The following TRMT44 variants were observed in gnomAD, a reference collection of about 807,000 sequenced individuals.
The protein encoded by TRMT44 is probable tRNA (uracil-O(2)-)-methyltransferase.
Under a neutral mutation model 77.3 loss-of-function variants are expected in TRMT44, and 78 were observed. That is an observed-to-expected ratio of 1.01 (90% confidence interval 0.84 to 1.22). The LOEUF is 1.22. Among genes scored for constraint, TRMT44 ranks in the 50% most tolerant of loss-of-function variants. The pLI is 0.00. For synonymous variants in TRMT44, 391 were observed against 383.3 expected, an observed-to-expected ratio of 1.02 and a Z score of -0.23; for missense variants, 1,090 against 964.4, an observed-to-expected ratio of 1.13 and a Z score of -1.73.
chr4:8,497,888 A>C (rs994435484), downstream of TRMT44, among the ~76,000 whole-genome samples: 1 of 152,118 alleles, frequency 6.6e-6, no homozygotes, highest in South Asian at 2.1e-4. Context: ...CCTGCACAGC[A>C]TGGTGTATGG....
Position 8,476,315 on chromosome 4 carries a change from GC to G in TRMT44, c.*316del. The G allele has an allele frequency of 2.6e-6, 1 of 391,436 alleles. No individual in the cohort carries two copies. Among genetic ancestry groups the G allele is most frequent in the Admixed American group, 4.4e-5 (1 of 22,792 alleles). 24.2% of individuals were successfully genotyped at this position (391,436 alleles called of 1,614,324 possible). A position where few individuals can be genotyped will look rare whatever the true frequency, so the allele number is the denominator to read the frequency against. ...CTCCTGGGGGAGAGCGGCTGAGGCT[GC>G]CTTGCACAGGCCCTTCCCAGGGCGC... On this transcript the variant is annotated 3_prime_UTR_variant, in exon 11 of 11. Transcript: ENST00000389737.
At chr4:8,459,834 G>A (rs537307881) in intron 6 of TRMT44, among the ~76,000 whole-genome samples, 6 of 152,204 alleles carry the variant, frequency 3.9e-5, no homozygotes, top group Admixed American at 3.3e-4. Flanking sequence ...GGGAAGGGGT[G>A]GGAGGCAGAC....
chr4:8,466,969 A>T (rs1726602641), intron 8 of TRMT44, among the ~76,000 whole-genome samples: 3 of 152,170 alleles, frequency 2.0e-5, no homozygotes, highest in Admixed American at 2.0e-4. Flanking sequence ...CGGCTTCCTT[A>T]TCACCCGCGC....
chr4:8,449,192 G>T (rs1459822932), intron 2 of TRMT44, among the ~76,000 whole-genome samples: 1 of 152,210 alleles, frequency 6.6e-6, no homozygotes, highest in African/African-American at 2.4e-5. Context: ...ACCTTCTGAT[G>T]GCAGAAGACA....
In TRMT44 at chr4:8,454,635, C is replaced by G. The variant is rs535620699; in HGVS notation, c.1132-107C>G. On this transcript the variant is annotated intron_variant, in intron 5 of 10. Coordinates refer to ENST00000389737, the MANE Select transcript of TRMT44 (RefSeq NM_152544.3). The stretch of plus-strand genomic sequence containing the variant: ...TGAGTTGCTGGCAGGAAGCTCTTCT[C>G]TTGCCCTTCGTCCTGCTGGCAGTGC... The G allele has an allele frequency of 3.9e-4, 412 of 1,044,256 alleles. 6 individuals are homozygous for G. The South Asian group carries it at 4.3e-3, about 11-fold the overall frequency. The allele number at this position is 1,044,256 out of a possible 1,614,324, so 64.7% of individuals were successfully genotyped here.
In TRMT44 at chr4:8,452,191, T is replaced by C. The variant is rs1052416688; in HGVS notation, c.1023+163T>C. 1.3e-5 allele frequency among the ~76,000 whole-genome samples: 2 copies of C among 152,240 alleles called. No homozygotes were observed. The highest frequency in any genetic ancestry group is 2.9e-5 in the Non-Finnish European group (2 of 68,038). On this transcript the variant is annotated intron_variant, in intron 4 of 10. Transcript: ENST00000389737. This position sits in a 1 kb window ranked among gnomAD's most constrained non-coding sequence, Gnocchi z 5.7. ...GTAATGGTTTGACTTCATGTGGTCCTTTTGATGCGTATACAACAAGTTTGG... is the reference window on the plus strand; with the variant it reads ...GTAATGGTTTGACTTCATGTGGTCCCTTTGATGCGTATACAACAAGTTTGG...
chr4:8,472,564 G>A (rs187359550), intron 10 of TRMT44, among the ~76,000 whole-genome samples: 28 of 151,952 alleles, frequency 1.8e-4, no homozygotes, highest in East Asian at 1.7e-3. Flanking sequence ...GAGTGCAAGC[G>A]TGTGGGTTTG....
intron 3 of TRMT44, 61 bp downstream of exon 3, chr4:8,449,949 C>CTTTTTTTTTTTTTTTTTTTTTTTTTT (rs745915221): frequency 1.0e-4 from 25 of 239,164 alleles, no homozygotes; most frequent in Admixed American, 3.7e-4. Context: ...CTTTTCTTTT[C>CTTTTTTTTTTTTTTTTTTTTTTTTTT]TTTTTTTTTT....
Position 8,451,386 on chromosome 4 carries a change from C to G in TRMT44, c.955-574C>G, listed in dbSNP as rs578218493. On this transcript the variant is annotated intron_variant, in intron 3 of 10. Coordinates refer to ENST00000389737, the MANE Select transcript of TRMT44 (RefSeq NM_152544.3). This position sits in a 1 kb window ranked among gnomAD's most constrained non-coding sequence, Gnocchi z 4.1. ...TTTTAACATTGGCCATTGGTTTTTC[C>G]TGTTTTGCCTAATGCCAGTTCTGAA... Among the ~76,000 whole-genome samples, 2 of 152,274 alleles carry G rather than the reference C, an allele frequency of 1.3e-5. No homozygotes were observed. The highest frequency in any genetic ancestry group is 2.1e-4 in the South Asian group (1 of 4,828).
At chr4:8,477,512 G>A (rs978574532), downstream of TRMT44, 3 of 152,346 alleles carry the variant, frequency 2.0e-5, no homozygotes, top group African/African-American at 4.8e-5. Flanking sequence ...GGGTCCCCAC[G>A]CTGGGAAGTT....
rs1039777034 is a variant in TRMT44, at chr4:8,444,516, G to T, written c.620-1960G>T. 6.6e-6 allele frequency among the ~76,000 whole-genome samples: 1 copy of T among 151,666 alleles called. No homozygotes were observed. On this transcript the variant is annotated intron_variant, in intron 1 of 10. Transcript: ENST00000389737. This position sits in a 1 kb window ranked among gnomAD's most constrained non-coding sequence, Gnocchi z 4.0. ...GGGTTCGAGCGATTCTCCTAACTTA[G>T]CCTCCCAAGCAGCTGGGATTACAGG...
chr4:8,449,820 C>G lies in TRMT44; in HGVS notation c.886C>G (p.Leu296Val), dbSNP rs1337468420. The G allele has an allele frequency of 6.5e-7, 1 of 1,535,832 alleles. No individual in the cohort carries two copies. Among genetic ancestry groups the G allele is most frequent in the African/African-American group, 1.4e-5 (1 of 72,998 alleles). ...GAGTGACTTTAAAAGCACCCTTTCC[C>G]TCATCTCCATTATGAAGTATAGCAA... ...KKSDFKSTLS[L>V]ISIMKYSKAY... Residue 296 changes from leucine (L) to valine (V), a missense_variant, in exon 3 of 11, where the codon CTC (leucine) becomes GTC (valine). By Grantham distance (32) the Leu-to-Val change is conservative. Transcript: ENST00000389737.
chr4:8,478,541 C>G (rs546785874), downstream of TRMT44: 2 of 152,418 alleles, frequency 1.3e-5, no homozygotes, highest in South Asian at 4.1e-4. Context: ...GTGTCGGGCA[C>G]GGTTCCCTTG....
intron 6 of TRMT44, among the ~76,000 whole-genome samples, chr4:8,458,982 TGA>T (rs1404106794): frequency 1.3e-5 from 2 of 151,404 alleles, no homozygotes; most frequent in Non-Finnish European, 2.9e-5. Context: ...GAGGATCACT[TGA>T]GTCCAGGAGT....
At chr4:8,480,502 G>A (rs982618348), downstream of TRMT44, among the ~76,000 whole-genome samples, 38 of 152,226 alleles carry the variant, frequency 2.5e-4, no homozygotes, top group African/African-American at 8.7e-4. Flanking sequence ...TCCCTTTTCC[G>A]GTAGGACGCC....
At chr4:8,503,983 C>G in the TRMT44 span, among the ~76,000 whole-genome samples, 1 of 152,192 alleles carries the variant, frequency 6.6e-6, no homozygotes, top group Non-Finnish European at 1.5e-5. Flanking sequence ...CAGAGCGTCT[C>G]CCCCGAGGCT....
chr4:8,454,868 G>A, intron 6 of TRMT44, 55 bp downstream of exon 6: 1 of 1,519,890 alleles, frequency 6.6e-7, no homozygotes, highest in South Asian at 1.1e-5. Flanking sequence ...CTCCCAGTGG[G>A]AATTGCTGTA....
In TRMT44 at chr4:8,464,057, G is replaced by T. The variant is rs971444315; in HGVS notation, c.1276G>T (p.Glu426Ter). Residue 426 changes from glutamate (E) to a stop codon, truncating the protein, a stop_gained, in exon 7 of 11, where the codon GAA becomes TAA. Coordinates refer to ENST00000389737, the MANE Select transcript of TRMT44 (RefSeq NM_152544.3). LOFTEE classifies it high-confidence loss of function. Reference sequence around the variant, plus strand: ...TTGGTTAATCGGTAACCATTCTGATGAACTCACACCATGGATACCTGTCAT... The same window carrying T: ...TTGGTTAATCGGTAACCATTCTGATTAACTCACACCATGGATACCTGTCAT... ...VDWLIGNHSDELTPWIPVIAA... is the reference protein window; with the variant it reads ...VDWLIGNHSD The T allele has an allele frequency of 5.6e-6, 9 of 1,614,040 alleles. No homozygotes were observed. Among genetic ancestry groups the T allele is most frequent in the African/African-American group, 2.7e-5 (2 of 75,038 alleles).
chr4:8,494,355 G>C (rs909457469), downstream of TRMT44, among the ~76,000 whole-genome samples: 6 of 152,114 alleles, frequency 3.9e-5, no homozygotes, highest in African/African-American at 1.4e-4. Flanking sequence ...ACAGGACAAA[G>C]GACAGAGCTC....
Sources: gnomAD v4.1 joint callset for allele counts (sites outside exome capture counted in the v4.1 genomes callset) on GRCh38, gnomAD v4.1.1 for gene constraint, Gnocchi (gnomAD v3.1) non-coding constraint, MANE v1.5 for transcripts, NCBI Gene and HGNC (gene_info 2026-07-23, HGNC 2026-07-21) for gene names.